Variants in TRIO observed in about 807,000 individuals in gnomAD.
TRIO encodes triple functional domain protein.
Under a neutral mutation model 351.9 loss-of-function variants are expected in TRIO, and 58 were observed. That is an observed-to-expected ratio of 0.16 (90% CI 0.13 to 0.21). TRIO has a LOEUF of 0.21. TRIO is among the 10% of genes least tolerant of loss of function. TRIO has a pLI of 1.00. For missense variants in TRIO, 3,201 were observed against 4,027.8 expected (o/e 0.79, Z 5.56); for synonymous variants, 1,758 against 1,595.7 (o/e 1.10, Z -2.42).
chr5:14,437,352 T>A (rs1751666425), intron 34 of TRIO, among the ~76,000 whole-genome samples: 1 of 152,206 alleles, frequency 6.6e-6, no homozygotes, highest in African/African-American at 2.4e-5. Flanking sequence ...TTAGGTTAGT[T>A]GTTTTCTTCC....
chr5:14,411,429 G>T (rs116301533), intron 33 of TRIO, among the ~76,000 whole-genome samples: 1 of 152,178 alleles, frequency 6.6e-6, no homozygotes, highest in Admixed American at 6.5e-5. Context: ...TGGAAAAGCC[G>T]GCCCGAGCCA....
intron 41 of TRIO, among the ~76,000 whole-genome samples, chr5:14,478,688 C>A (rs931599667): frequency 1.3e-5 from 2 of 150,506 alleles, no homozygotes; most frequent in Non-Finnish European, 2.9e-5. Context: ...TGTGGTGGCT[C>A]ATGCCTGTAA....
rs143069812 is a variant in TRIO at position 14,258,583 on chromosome 5, T to C, written c.158-12242T>C. Among the ~76,000 whole-genome samples, 545 of 152,312 alleles carry C rather than the reference T, an allele frequency of 3.6e-3. 3 individuals carry two copies. Among genetic ancestry groups the C allele is most frequent in the African/African-American group, 0.012 (510 of 41,562 alleles). On this transcript the variant is annotated intron_variant, in intron 1 of 56. Coordinates refer to ENST00000344204, the MANE Select transcript of TRIO (RefSeq NM_007118.4). ...AGACGTTCAGCTTTGCAGAGTCTTTTAGGATCTTACCCCACTCAGATTGGG... is the reference window on the plus strand; with the variant it reads ...AGACGTTCAGCTTTGCAGAGTCTTTCAGGATCTTACCCCACTCAGATTGGG...
intron 34 of TRIO, among the ~76,000 whole-genome samples, chr5:14,431,684 G>C (rs28718197): frequency 4.3e-4 from 66 of 152,230 alleles, no homozygotes; most frequent in African/African-American, 1.5e-3. Flanking sequence ...TTAACAGAAG[G>C]GGGAGAAGGG....
intron 34 of TRIO, among the ~76,000 whole-genome samples, chr5:14,428,525 C>A (rs1232188033): frequency 6.6e-6 from 1 of 152,170 alleles, no homozygotes; most frequent in Non-Finnish European, 1.5e-5. Context: ...CTTTCCTGAG[C>A]ACCGTGCAGC....
chr5:14,229,719 A>C (rs1793286624), intron 1 of TRIO, among the ~76,000 whole-genome samples: 1 of 152,220 alleles, frequency 6.6e-6, no homozygotes, highest in Admixed American at 6.5e-5. Context: ...CGCTCATTGT[A>C]GTGTCCTGAA....
At chr5:14,437,230 C>T (rs1296945670) in intron 34 of TRIO, among the ~76,000 whole-genome samples, 2 of 152,164 alleles carry the variant, frequency 1.3e-5, no homozygotes, top group Non-Finnish European at 2.9e-5. Flanking sequence ...CTCAGCTCCA[C>T]CCATTCTCAC....
chr5:14,195,647 C>A (rs1790726590), intron 1 of TRIO, among the ~76,000 whole-genome samples: 1 of 152,224 alleles, frequency 6.6e-6, no homozygotes, highest in South Asian at 2.1e-4. Context: ...TTAAATTCTT[C>A]CGCTTATTCC....
At position 14,455,563 on chromosome 5, in the gene TRIO, C is replaced by T. The variant is rs531970839; in HGVS notation, c.5204-5456C>T. On this transcript the variant is annotated intron_variant, in intron 34 of 56. Transcript: ENST00000344204. ...CTAGACATAAAAGTTCTCCAAGGCC[C>T]CACTAGATTAGCTAGACACAGAGTG... Among the ~76,000 whole-genome samples the T allele has an allele frequency of 4.1e-4, 61 of 148,564 alleles. 1 individual carries two copies. Among genetic ancestry groups the T allele is most frequent in the African/African-American group, 1.6e-3 (60 of 38,608 alleles).
chr5:14,462,788 C>G lies in TRIO; in HGVS notation c.5530C>G (p.Leu1844Val). 1 of 1,614,230 alleles carries G rather than the reference C, an allele frequency of 6.2e-7. No individual in the cohort carries two copies. Among genetic ancestry groups the G allele is most frequent in the Non-Finnish European group, 8.5e-7 (1 of 1,180,026 alleles). Residue 1844 changes from leucine (L) to valine (V), a missense_variant, in exon 36 of 57, where the codon CTC (leucine) becomes GTC (valine). By Grantham distance (32) the Leu-to-Val change is conservative (BLOSUM62 1). Coordinates refer to ENST00000344204, the MANE Select transcript of TRIO (RefSeq NM_007118.4). ...GAACGAGGGCCTGAGCAGCGGTACT[C>G]TCTCCAAATCCTCCTCCTCGGGGAT... ...GRNEGLSSGT[L>V]SKSSSSGMQS...
intron 8 of TRIO, among the ~76,000 whole-genome samples, chr5:14,315,666 A>G (rs1323012749): frequency 6.6e-6 from 1 of 152,228 alleles, no homozygotes; most frequent in African/African-American, 2.4e-5. Context: ...TACCTTATGC[A>G]TCTCACACAC....
At chr5:14,237,998 C>T (rs536372053) in intron 1 of TRIO, among the ~76,000 whole-genome samples, 1 of 152,250 alleles carries the variant, frequency 6.6e-6, no homozygotes, top group South Asian at 2.1e-4. Flanking sequence ...TAGTCACTGC[C>T]CATATCCTGC....
intron 1 of TRIO, among the ~76,000 whole-genome samples, chr5:14,224,709 A>G (rs1323940395): frequency 6.6e-6 from 1 of 152,146 alleles, no homozygotes; most frequent in Admixed American, 6.5e-5. Context: ...GCCAGAAATG[A>G]TTGTCGTTAG....
At chr5:14,418,194 G>A (rs781020341) in intron 33 of TRIO, among the ~76,000 whole-genome samples, 2 of 152,214 alleles carry the variant, frequency 1.3e-5, no homozygotes, top group Non-Finnish European at 2.9e-5. Flanking sequence ...GATGGTATGG[G>A]CTACTTACAG....
At chr5:14,200,440 C>A (rs1321523583) in intron 1 of TRIO, among the ~76,000 whole-genome samples, 1 of 152,174 alleles carries the variant, frequency 6.6e-6, no homozygotes, top group African/African-American at 2.4e-5. Flanking sequence ...TTTTGGTCTC[C>A]CCTGTAAGAC....
intron 34 of TRIO, among the ~76,000 whole-genome samples, chr5:14,448,874 T>C (rs145033083): frequency 1.5e-3 from 229 of 152,286 alleles, no homozygotes; most frequent in African/African-American, 5.4e-3. Flanking sequence ...TCCTTGGGGA[T>C]TTTTTCCTTT....
intron 19 of TRIO, among the ~76,000 whole-genome samples, chr5:14,377,521 A>G (rs970078225): frequency 2.6e-5 from 4 of 152,126 alleles, no homozygotes; most frequent in African/African-American, 9.7e-5. Context: ...AAGTACTGGG[A>G]TTACAGGCGT....
In TRIO at chr5:14,449,665, A is replaced by T. The variant is rs373981866; in HGVS notation, c.5204-11354A>T. On this transcript the variant is annotated intron_variant, in intron 34 of 56. Transcript: ENST00000344204. ...AGCCAGGTCCTGTTCCGTTCAGGAC[A>T]TGTATAACTCCAGTCTCTAGCCTTG... is the stretch of plus-strand genomic sequence containing the variant. Among the ~76,000 whole-genome samples, 38 of 152,340 alleles carry T rather than the reference A, an allele frequency of 2.5e-4. No homozygotes were observed. The South Asian group carries it at 7.0e-3, about 28-fold the overall frequency.
In TRIO at chr5:14,422,778, G is replaced by A. The variant is rs544117778; in HGVS notation, c.5203+2757G>A. ...AATTACACAATTTGTTTTTCAAGGA[G>A]ATAATTTTGTGTCTGAAACAAGACT... is the stretch of plus-strand genomic sequence containing the variant. On this transcript the variant is annotated intron_variant, in intron 34 of 56. Coordinates refer to ENST00000344204, the MANE Select transcript of TRIO (RefSeq NM_007118.4). 2.0e-5 allele frequency among the ~76,000 whole-genome samples: 3 copies of A among 152,332 alleles called. No homozygotes were observed. In the South Asian group the frequency reaches 6.2e-4, roughly 32 times the overall value.
Sources: allele counts gnomAD v4.1 joint callset (sites outside exome capture counted in the v4.1 genomes callset), GRCh38; gene constraint gnomAD v4.1.1; transcripts MANE v1.5; gene names NCBI Gene and HGNC (gene_info 2026-07-23, HGNC 2026-07-21).